Variants in PIEZO2 observed in about 807,000 individuals in gnomAD.
The protein encoded by PIEZO2 is piezo-type mechanosensitive ion channel component 2.
PIEZO2 carries 172 observed loss-of-function variants against 337.3 expected under a neutral mutation model. That is an observed-to-expected ratio of 0.51 (90% confidence interval 0.45 to 0.58). PIEZO2 has a LOEUF of 0.58. Ranked by LOEUF, PIEZO2 falls within the 20% of genes least tolerant of loss-of-function variation. The pLI, the probability that PIEZO2 is intolerant of heterozygous loss-of-function variation, is 0.00. For synonymous variants in PIEZO2, 1,251 were observed against 1,228.5 expected (o/e 1.02, Z -0.38); for missense variants, 3,028 against 3,391.3 (o/e 0.89, Z 2.66).
In PIEZO2 at chr18:10,942,854, G is replaced by C. The variant is rs1292144203; in HGVS notation, c.287-31626C>G. On this transcript the variant is annotated intron_variant, in intron 3 of 55. Coordinates refer to ENST00000674853, the MANE Select transcript of PIEZO2 (RefSeq NM_001378183.1). The surrounding 1 kb of genome is among the most constrained non-coding windows in gnomAD (Gnocchi z 4.4). Reference sequence around the variant, plus strand: ...AGTGATTTAGTAGGCCAGGCTCAGGGTCCCCGTGCTGTGTGCAGCCTAGGG... The same window carrying C: ...AGTGATTTAGTAGGCCAGGCTCAGGCTCCCCGTGCTGTGTGCAGCCTAGGG... Among the ~76,000 whole-genome samples the C allele has an allele frequency of 6.6e-6, 1 of 152,140 alleles. No individual in the cohort carries two copies. Among genetic ancestry groups the C allele is most frequent in the Non-Finnish European group, 1.5e-5 (1 of 68,026 alleles).
Position 10,719,792 on chromosome 18 carries a change from A to G in PIEZO2, c.5030-1533T>C, listed in dbSNP as rs188120884. Among the ~76,000 whole-genome samples, 806 of 152,196 alleles carry G rather than the reference A, an allele frequency of 5.3e-3. 2 individuals carry two copies. Among genetic ancestry groups the G allele is most frequent in the Non-Finnish European group, 8.6e-3 (586 of 68,018 alleles). ...AATCTTCATTTTTTTTGAGGTTTTA[A>G]TTTTATTTATTTGGGTACCAGTGAT... On this transcript the variant is annotated intron_variant, in intron 36 of 55. Coordinates refer to ENST00000674853, the MANE Select transcript of PIEZO2 (RefSeq NM_001378183.1).
intron 7 of PIEZO2, among the ~76,000 whole-genome samples, chr18:10,829,485 C>T (rs2095678039): frequency 6.6e-6 from 1 of 152,014 alleles, no homozygotes; most frequent in Admixed American, 6.6e-5. Context: ...TAAAAGCATC[C>T]AATTTGGAAA....
In PIEZO2 at chr18:10,872,716, C is replaced by T. The variant is rs2042168577; in HGVS notation, c.330-1301G>A. On this transcript the variant is annotated intron_variant, in intron 4 of 55. Transcript: ENST00000674853. This position sits in a 1 kb window ranked among gnomAD's most constrained non-coding sequence, Gnocchi z 4.3. ...GTACCTATTACTATTATTAAAGCCA[C>T]ATGAAGAGCGATTCCCGGCATGTTC... is the stretch of plus-strand genomic sequence containing the variant. 6.6e-6 allele frequency among the ~76,000 whole-genome samples: 1 copy of T among 152,178 alleles called. No individual in the cohort carries two copies. The highest frequency in any genetic ancestry group is 2.4e-5 in the African/African-American group (1 of 41,434).
In PIEZO2 at chr18:10,750,029, G is replaced by T; in HGVS notation, c.4264+62C>A. The stretch of plus-strand genomic sequence containing the variant: ...GTGCTTTGGCCCACTTTTAAAACTA[G>T]AACAATACAACTATCCTCCCTCTTC... On this transcript the variant is annotated intron_variant, in intron 29 of 55. Transcript: ENST00000674853. This position sits in a 1 kb window ranked among gnomAD's most constrained non-coding sequence, Gnocchi z 4.1. 2 of 1,295,342 alleles carry T rather than the reference G, an allele frequency of 1.5e-6. No individual in the cohort carries two copies. Among genetic ancestry groups the T allele is most frequent in the Non-Finnish European group, 2.2e-6 (2 of 927,548 alleles). The allele number at this position is 1,295,342 out of a possible 1,614,324, so 80.2% of individuals were successfully genotyped here.
At position 11,066,413 on chromosome 18, in the gene PIEZO2, G is replaced by A. The variant is rs76722466; in HGVS notation, c.65-191C>T. On this transcript the variant is annotated intron_variant, in intron 1 of 55. Transcript: ENST00000674853. ...TGTTCATCACTGTGTTGAGCATGAC[G>A]AGAAGCAGATAATTAAAATACATCA... Among the ~76,000 whole-genome samples, 993 of 152,216 alleles carry A rather than the reference G, an allele frequency of 6.5e-3. 5 individuals carry two copies. The highest frequency in any genetic ancestry group is 0.041 in the Middle Eastern group (12 of 294).
At position 10,802,959 on chromosome 18, in the gene PIEZO2, G is replaced by A. The variant is rs148464974; in HGVS notation, c.1200+916C>T. On this transcript the variant is annotated intron_variant, in intron 9 of 55. Transcript: ENST00000674853. ...TGCACTCCAGCCTGGGTGACAGAGC[G>A]AGACTCTGTTGCCAAAAAAAAAAAA... Among the ~76,000 whole-genome samples the A allele has an allele frequency of 2.3e-4, 32 of 141,058 alleles. No homozygotes were observed. The East Asian group carries it at 5.8e-3, about 25-fold the overall frequency. The allele number at this position is 141,058 out of a possible 152,430, so 92.5% of individuals were successfully genotyped here. A position where few individuals can be genotyped will look rare whatever the true frequency, so the allele number is the denominator to read the frequency against.
In PIEZO2 at chr18:10,953,317, T is replaced by C. The variant is rs145214482; in HGVS notation, c.286+26218A>G. 9.4e-3 allele frequency among the ~76,000 whole-genome samples: 1,439 copies of C among 152,284 alleles called. 21 individuals carry two copies. Among genetic ancestry groups the C allele is most frequent in the African/African-American group, 0.032 (1,337 of 41,552 alleles). ...GTTGTATTTAAGAAAACTTTGCCCTTCCCTAACCCAAGATTACAAACATTT... is the reference window on the plus strand; with the variant it reads ...GTTGTATTTAAGAAAACTTTGCCCTCCCCTAACCCAAGATTACAAACATTT... On this transcript the variant is annotated intron_variant, in intron 3 of 55. Transcript: ENST00000674853. The surrounding 1 kb of genome is among the most constrained non-coding windows in gnomAD (Gnocchi z 5.2).
chr18:11,024,287 T>C (rs1351419354), intron 2 of PIEZO2, among the ~76,000 whole-genome samples: 1 of 152,000 alleles, frequency 6.6e-6, no homozygotes, highest in Non-Finnish European at 1.5e-5. Context: ...GGTTCACGCC[T>C]GTAATCCCAG....
intron 2 of PIEZO2, among the ~76,000 whole-genome samples, chr18:10,981,855 A>G (rs1049552287): frequency 1.3e-5 from 2 of 152,154 alleles, no homozygotes; most frequent in African/African-American, 4.8e-5. Context: ...GCCCTTGAAC[A>G]TTAGTCTCCA....
rs571855572 is a variant in PIEZO2 at position 10,993,516 on chromosome 18, G to T, written c.161-13856C>A. Among the ~76,000 whole-genome samples the T allele has an allele frequency of 1.0e-3, 139 of 135,410 alleles. No homozygotes were observed. The highest frequency in any genetic ancestry group is 4.1e-3 in the African/African-American group (124 of 30,040). 88.8% of individuals were successfully genotyped at this position (135,410 alleles called of 152,430 possible). ...TGTTTATGTGATAGATTACGTTTTT[G>T]TTGTTGTTGTTGTTGTTGTTGTTGT... is the stretch of plus-strand genomic sequence containing the variant. On this transcript the variant is annotated intron_variant, in intron 2 of 55. Transcript: ENST00000674853. The surrounding 1 kb of genome is among the most constrained non-coding windows in gnomAD (Gnocchi z 5.0).
intron 4 of PIEZO2, among the ~76,000 whole-genome samples, chr18:10,880,785 T>C (rs2042389264): frequency 1.4e-5 from 2 of 140,300 alleles, no homozygotes; most frequent in South Asian, 4.7e-4. Context: ...GGCAGACAAA[T>C]AGCAAAAACT....
intron 3 of PIEZO2, among the ~76,000 whole-genome samples, chr18:10,974,427 C>T (rs1598767734): frequency 6.6e-6 from 1 of 152,194 alleles, no homozygotes; most frequent in East Asian, 1.9e-4. Flanking sequence ...GGAATGCTGC[C>T]ATTGAAGGAA....
In PIEZO2 at chr18:10,677,183, G is replaced by C. The variant is rs7505789; in HGVS notation, c.8081+564C>G. Among the ~76,000 whole-genome samples, 36,285 of 152,006 alleles carry C rather than the reference G, an allele frequency of 0.24. 4,697 individuals carry two copies. Among genetic ancestry groups the C allele is most frequent in the Non-Finnish European group, 0.29 (19,839 of 67,948 alleles). On this transcript the variant is annotated intron_variant, in intron 53 of 55. Transcript: ENST00000674853. The surrounding 1 kb of genome is among the most constrained non-coding windows in gnomAD (Gnocchi z 4.1). ...GCACTGATGAGCTCCCTGTAGCCTG[G>C]CACCATACAAACCCTCATTCATTTG...
In PIEZO2 at chr18:11,096,735, G is replaced by A. The variant is rs1463484228; in HGVS notation, c.65-30513C>T. 6.6e-6 allele frequency among the ~76,000 whole-genome samples: 1 copy of A among 152,106 alleles called. No homozygotes were observed. Among genetic ancestry groups the A allele is most frequent in the African/African-American group, 2.4e-5 (1 of 41,404 alleles). On this transcript the variant is annotated intron_variant, in intron 1 of 55. Transcript: ENST00000674853. This position sits in a 1 kb window ranked among gnomAD's most constrained non-coding sequence, Gnocchi z 4.6. ...GAAGTGAAAGACATTAGGAGAGAAGGGACAGTGAGTTGCCTAGTCGCCTAC... is the reference window on the plus strand; with the variant it reads ...GAAGTGAAAGACATTAGGAGAGAAGAGACAGTGAGTTGCCTAGTCGCCTAC...
Position 10,830,089 on chromosome 18 carries a change from A to G in PIEZO2, c.918-22815T>C, listed in dbSNP as rs1189845. Reference sequence around the variant, plus strand: ...ACCAAAACAGTATGGTACTGGCATAAAAACAGACACACAGACCAATGGAAC... The same window carrying G: ...ACCAAAACAGTATGGTACTGGCATAGAAACAGACACACAGACCAATGGAAC... On this transcript the variant is annotated intron_variant, in intron 7 of 55. Transcript: ENST00000674853. The surrounding 1 kb of genome is among the most constrained non-coding windows in gnomAD (Gnocchi z 4.7). Among the ~76,000 whole-genome samples the G allele has an allele frequency of 0.17, 25,537 of 152,110 alleles. 2,559 individuals carry two copies. The highest frequency in any genetic ancestry group is 0.28 in the African/African-American group (11,733 of 41,470).
intron 7 of PIEZO2, among the ~76,000 whole-genome samples, chr18:10,848,969 C>A (rs1421432153): frequency 6.6e-6 from 1 of 152,104 alleles, no homozygotes; most frequent in Non-Finnish European, 1.5e-5. Flanking sequence ...AACAAAAAGC[C>A]CTCTTTTTGT....
At position 10,773,712 on chromosome 18, in the gene PIEZO2, C is replaced by T; in HGVS notation, c.2568-83G>A. ...GAGGGGCAAGTAAAAGGAGGATAAA[C>T]ACAAATGAAATCAGTGCATGTACAA... On this transcript the variant is annotated intron_variant, in intron 19 of 55. Coordinates refer to ENST00000674853, the MANE Select transcript of PIEZO2 (RefSeq NM_001378183.1). This position sits in a 1 kb window ranked among gnomAD's most constrained non-coding sequence, Gnocchi z 5.3. 3.0e-6 allele frequency: 4 copies of T among 1,319,188 alleles called. No individual in the cohort carries two copies. Among genetic ancestry groups the T allele is most frequent in the Non-Finnish European group, 3.1e-6 (3 of 953,810 alleles). 81.7% of individuals were successfully genotyped at this position (1,319,188 alleles called of 1,614,324 possible). A position where few individuals can be genotyped will look rare whatever the true frequency, so the allele number is the denominator to read the frequency against.
chr18:10,794,753 T>C lies in PIEZO2; in HGVS notation c.1758+19A>G, dbSNP rs2144206606. The C allele has an allele frequency of 2.7e-6, 4 of 1,464,224 alleles. No individual in the cohort carries two copies. The highest frequency in any genetic ancestry group is 2.5e-5 in the East Asian group (1 of 40,516). The allele number at this position is 1,464,224 out of a possible 1,614,324, so 90.7% of individuals were successfully genotyped here. On this transcript the variant is annotated intron_variant, in intron 13 of 55. Coordinates refer to ENST00000674853, the MANE Select transcript of PIEZO2 (RefSeq NM_001378183.1). The surrounding 1 kb of genome is among the most constrained non-coding windows in gnomAD (Gnocchi z 6.6). Reference sequence around the variant, plus strand: ...GGTTTTGTGTCATTGTTTTGTTTTATTGTATTCTATTCACTTACTTTGGAA... The same window carrying C: ...GGTTTTGTGTCATTGTTTTGTTTTACTGTATTCTATTCACTTACTTTGGAA...
In PIEZO2 at chr18:10,719,003, A is replaced by T. The variant is rs554048520; in HGVS notation, c.5030-744T>A. On this transcript the variant is annotated intron_variant, in intron 36 of 55. Transcript: ENST00000674853. Reference sequence around the variant, plus strand: ...AAAATAAATAAATAAATAAATAAATAAATAAATAAATAAATAAATAAATTT... The same window carrying T: ...AAAATAAATAAATAAATAAATAAATTAATAAATAAATAAATAAATAAATTT... Among the ~76,000 whole-genome samples the T allele has an allele frequency of 5.8e-3, 852 of 146,972 alleles. 6 individuals carry two copies. Among genetic ancestry groups the T allele is most frequent in the African/African-American group, 0.022 (808 of 37,306 alleles).
Sources: allele counts gnomAD v4.1 joint callset (sites outside exome capture counted in the v4.1 genomes callset), GRCh38; gene constraint gnomAD v4.1.1; non-coding constraint Gnocchi (gnomAD v3.1); transcripts MANE v1.5; gene names NCBI Gene and HGNC (gene_info 2026-07-23, HGNC 2026-07-21).